Variants in BCL2L11 observed in about 807,000 individuals in gnomAD.
BCL2L11 encodes the protein bcl-2-like protein 11.
In BCL2L11, 15 loss-of-function variants were observed where a neutral mutation model predicts 20.6. That is an observed-to-expected ratio of 0.73 (90% CI 0.49 to 1.12). The LOEUF is 1.12. BCL2L11 is among the 50% of genes most tolerant of loss of function. The pLI is 0.00. For missense variants in BCL2L11, 292 were observed against 260.9 expected (o/e 1.12, Z -0.82); for synonymous variants, 108 against 92.8 (o/e 1.16, Z -0.94).
intron 2 of BCL2L11, chr2:111,131,232 T>G (rs71431154): frequency 0.066 from 609 of 9,214 alleles, no homozygotes; most frequent in Middle Eastern, 0.1. Flanking sequence ...GGGGCGGGGG[T>G]GGGGGGGATG....
intron 2 of BCL2L11, among the ~76,000 whole-genome samples, chr2:111,136,890 C>G (rs2074985947): frequency 6.6e-6 from 1 of 152,194 alleles, no homozygotes; most frequent in African/African-American, 2.4e-5. Flanking sequence ...TTTTTACTCT[C>G]CATGTGGAAT....
chr2:111,141,724 G>A (rs1198765096), intron 2 of BCL2L11, among the ~76,000 whole-genome samples: 2 of 147,370 alleles, frequency 1.4e-5, no homozygotes, highest in East Asian at 4.0e-4. Flanking sequence ...TTGAGACGGA[G>A]TTTCGCTCTT....
At chr2:111,150,421 CTT>C (rs1351197832) in intron 3 of BCL2L11, among the ~76,000 whole-genome samples, 2 of 152,240 alleles carry the variant, frequency 1.3e-5, no homozygotes, top group Admixed American at 6.5e-5. Context: ...TATTTATAGA[CTT>C]TGAGATAGTC....
chr2:111,134,276 G>A (rs964503737), intron 2 of BCL2L11, among the ~76,000 whole-genome samples: 3 of 151,178 alleles, frequency 2.0e-5, no homozygotes, highest in African/African-American at 7.3e-5. Context: ...CATTTTCTAG[G>A]ATTTCGTTTT....
intron 3 of BCL2L11, among the ~76,000 whole-genome samples, chr2:111,151,362 C>T (rs1191700784): frequency 6.6e-6 from 1 of 152,134 alleles, no homozygotes; most frequent in Non-Finnish European, 1.5e-5. Flanking sequence ...GGTATTAATT[C>T]AGTTGATTTA....
In BCL2L11 at chr2:111,144,645, A is replaced by T. The variant is rs571983259; in HGVS notation, c.395-5399A>T. The T allele has an allele frequency of 6.5e-6, 8 of 1,222,742 alleles. No homozygotes were observed. The East Asian group carries it at 2.1e-4, about 32-fold the overall frequency. The allele number at this position is 1,222,742 out of a possible 1,614,324, so 75.7% of individuals were successfully genotyped here. A position where few individuals can be genotyped will look rare whatever the true frequency, so the allele number is the denominator to read the frequency against. On this transcript the variant is annotated intron_variant, in intron 2 of 3. Transcript: ENST00000393256. ...TTAAAGAAGGAGACTTACAGAGTTG[A>T]ATAAACATCCTGGAATTTTTCTTTC...
intron 2 of BCL2L11, among the ~76,000 whole-genome samples, chr2:111,126,175 G>T (rs1395417474): frequency 6.6e-6 from 1 of 152,176 alleles, no homozygotes; most frequent in Non-Finnish European, 1.5e-5. Flanking sequence ...ACTGGGAATA[G>T]TGGGTGAGAT....
At chr2:111,160,243 G>T (rs1175022501) in intron 3 of BCL2L11, among the ~76,000 whole-genome samples, 1 of 152,166 alleles carries the variant, frequency 6.6e-6, no homozygotes, top group African/African-American at 2.4e-5. Flanking sequence ...GTGCCTTCCT[G>T]CCCTGGCTCC....
intron 3 of BCL2L11, among the ~76,000 whole-genome samples, chr2:111,161,976 C>G (rs1326466360): frequency 6.6e-6 from 1 of 152,170 alleles, no homozygotes; most frequent in African/African-American, 2.4e-5. Context: ...GCGTCTTTGC[C>G]CCACTGCAGC....
At chr2:111,122,043 G>A (rs570519676) in intron 1 of BCL2L11, among the ~76,000 whole-genome samples, 1 of 152,366 alleles carries the variant, frequency 6.6e-6, no homozygotes, top group African/African-American at 2.4e-5. Context: ...CCCGACGGAC[G>A]CCAGGGCGGA....
intron 2 of BCL2L11, among the ~76,000 whole-genome samples, chr2:111,146,592 T>A (rs1434873147): frequency 1.3e-5 from 2 of 152,184 alleles, no homozygotes; most frequent in African/African-American, 4.8e-5. Context: ...CTAAAGGAAA[T>A]AACAAAACTT....
At chr2:111,123,441 C>CT in intron 1 of BCL2L11, 1 of 985,442 alleles carries the variant, frequency 1.0e-6, no homozygotes, top group Non-Finnish European at 1.2e-6. Context: ...AGAGCACACA[C>CT]GAATAGACTT....
At chr2:111,159,490 T>TC (rs2078298771) in intron 3 of BCL2L11, among the ~76,000 whole-genome samples, 1 of 152,208 alleles carries the variant, frequency 6.6e-6, no homozygotes, top group Non-Finnish European at 1.5e-5. Context: ...TTTCAAAGGT[T>TC]CGACTCCTCT....
At chr2:111,127,251 A>T (rs1559019744) in intron 2 of BCL2L11, among the ~76,000 whole-genome samples, 1 of 152,056 alleles carries the variant, frequency 6.6e-6, no homozygotes, top group Non-Finnish European at 1.5e-5. Context: ...TTTTAATGGA[A>T]ATTAAAGTGT....
chr2:111,137,202 C>G (rs76176435), intron 2 of BCL2L11, among the ~76,000 whole-genome samples: 1,544 of 152,294 alleles, frequency 0.01, 27 homozygotes, highest in African/African-American at 0.036. Flanking sequence ...ATTCTGATGC[C>G]TTGCTGCTTC....
intron 1 of BCL2L11, among the ~76,000 whole-genome samples, chr2:111,121,955 AC>A (rs1432713003): frequency 6.6e-6 from 1 of 151,970 alleles, no homozygotes; most frequent in Non-Finnish European, 1.5e-5. Flanking sequence ...AGCACACCCG[AC>A]CCGGTTCGCG....
chr2:111,140,846 C>T (rs1182189680), intron 2 of BCL2L11, among the ~76,000 whole-genome samples: 1 of 152,236 alleles, frequency 6.6e-6, no homozygotes, highest in East Asian at 1.9e-4. Flanking sequence ...AAGAGACTCT[C>T]ATTAGCGTTT....
chr2:111,127,257 AG>A (rs1469391276), intron 2 of BCL2L11, among the ~76,000 whole-genome samples: 3 of 149,624 alleles, frequency 2.0e-5, no homozygotes, highest in African/African-American at 7.3e-5. Flanking sequence ...TGGAAATTAA[AG>A]TGTAGTCAGT....
chr2:111,163,861 C>CTTT (rs10547953), intron 3 of BCL2L11, among the ~76,000 whole-genome samples: 9 of 104,698 alleles, frequency 8.6e-5, no homozygotes, highest in East Asian at 5.9e-4. Flanking sequence ...TTTTTGAGTG[C>CTTT]TTTTTTTTTT....
Sources: gnomAD v4.1 joint callset for allele counts (sites outside exome capture counted in the v4.1 genomes callset) on GRCh38, gnomAD v4.1.1 for gene constraint, MANE v1.5 for transcripts, NCBI Gene and HGNC (gene_info 2026-07-23, HGNC 2026-07-21) for gene names.